Variants in TLCD3B observed in about 807,000 individuals in gnomAD.
TLCD3B encodes the protein ceramide synthase.
TLCD3B carries 9 observed loss-of-function variants against 23.0 expected under a neutral mutation model. The ratio of observed to expected loss-of-function variants is 0.39; its 90% CI spans 0.24 to 0.68. The LOEUF (loss-of-function observed/expected upper bound fraction) is 0.68. TLCD3B is among the 30% of genes least tolerant of loss of function. The probability of loss-of-function intolerance (pLI) is 0.44; values close to 1 mark genes in which losing one functional copy is unlikely to be tolerated. For synonymous variants in TLCD3B, 161 were observed against 161.0 expected, an observed-to-expected ratio of 1.00 and a Z score of 0.00; for missense variants, 307 against 371.8, an observed-to-expected ratio of 0.83 and a Z score of 1.43.
chr16:30,039,103 C>CTTTTTTTTTTTTTTTTTTTTTT lies in TLCD3B; in HGVS notation c.-67+1870_-67+1891dup, dbSNP rs1018184417. Reference sequence around the variant, plus strand: ...TTATCCTTCTCCTCCTCCTTCCTCTCTTTTTTTTTTTTTTTTTTTTTTTTT... The same window carrying CTTTTTTTTTTTTTTTTTTTTTT: ...TTATCCTTCTCCTCCTCCTTCCTCTCTTTTTTTTTTTTTTTTTTTTTTTTTTTTTTTTTTTTTTTTTTTTTTT... On this transcript the variant is annotated intron_variant, in intron 3 of 6. Coordinates refer to the TLCD3B transcript ENST00000561666. 3.0e-5 allele frequency among the ~76,000 whole-genome samples: 3 copies of CTTTTTTTTTTTTTTTTTTTTTT among 99,616 alleles called. 1 individual carries two copies. The highest frequency in any genetic ancestry group is 4.1e-5 in the African/African-American group (1 of 24,232). 65.4% of individuals were successfully genotyped at this position (99,616 alleles called of 152,430 possible).
rs1567307372 is a variant in TLCD3B at position 30,039,109 on chromosome 16, T to TAA, written c.-67+1885_-67+1886insTT. 3.7e-5 allele frequency among the ~76,000 whole-genome samples: 5 copies of TAA among 135,318 alleles called. 1 individual carries two copies. Among genetic ancestry groups the TAA allele is most frequent in the East Asian group, 2.1e-4 (1 of 4,688 alleles). 88.8% of individuals were successfully genotyped at this position (135,318 alleles called of 152,430 possible). On this transcript the variant is annotated intron_variant, in intron 3 of 6. Transcript: ENST00000561666. ...TTCTCCTCCTCCTTCCTCTCTTTTT[T>TAA]TTTTTTTTTTTTTTTTTTTTTTTTA...
rs759131309 is a variant in TLCD3B at position 30,029,685 on chromosome 16, T to C, written c.126-170A>G. 2.2e-5 allele frequency: 14 copies of C among 639,186 alleles called. No individual in the cohort carries two copies. The highest frequency in any genetic ancestry group is 3.6e-5 in the African/African-American group (2 of 55,438). The allele number at this position is 639,186 out of a possible 1,614,324, so 39.6% of individuals were successfully genotyped here. ...TGCCTGAGGTGTGCCCCACCACAGG[T>C]ACCTCACGGCTCTCCGGCCCGCTCG... On this transcript the variant is annotated intron_variant, in intron 1 of 4. Transcript: ENST00000380495. The surrounding 1 kb of genome is among the most constrained non-coding windows in gnomAD (Gnocchi z 4.6).
At chr16:30,031,546 G>A (rs905427629), upstream of TLCD3B, among the ~76,000 whole-genome samples, 1 of 152,194 alleles carries the variant, frequency 6.6e-6, no homozygotes, top group Non-Finnish European at 1.5e-5. Flanking sequence ...GGCCTGCCCC[G>A]GGTCCGAGCT....
At chr16:30,039,418 C>T (rs775802953) in intron 3 of TLCD3B, among the ~76,000 whole-genome samples, 6 of 151,798 alleles carry the variant, frequency 4.0e-5, no homozygotes, top group Admixed American at 1.3e-4. Context: ...CCACTGCGCC[C>T]GGCTTCTTCC....
chr16:30,025,943 T>A lies in TLCD3B; in HGVS notation c.445-122A>T. The stretch of plus-strand genomic sequence containing the variant: ...GCTTGACTCTGAACATCAGAACACC[T>A]GGGTGCAGGGCTGGGTGCAGTGGCT... On this transcript the variant is annotated intron_variant, in intron 3 of 4. Transcript: ENST00000380495. The surrounding 1 kb of genome is among the most constrained non-coding windows in gnomAD (Gnocchi z 4.1). 1 of 752,270 alleles carries A rather than the reference T, an allele frequency of 1.3e-6. No homozygotes were observed. The highest frequency in any genetic ancestry group is 2.2e-6 in the Non-Finnish European group (1 of 447,808). The allele number at this position is 752,270 out of a possible 1,614,324, so 46.6% of individuals were successfully genotyped here. A position where few individuals can be genotyped will look rare whatever the true frequency, so the allele number is the denominator to read the frequency against.
intron 1 of TLCD3B, among the ~76,000 whole-genome samples, chr16:30,052,366 C>T: frequency 6.6e-6 from 1 of 151,156 alleles, no homozygotes; most frequent in Non-Finnish European, 1.5e-5. Flanking sequence ...AAATCTGTCT[C>T]CAAAAAATAA....
rs1445846708 is a variant in TLCD3B at position 30,026,654 on chromosome 16, C to T, written c.399G>A (p.Val133=). ...CCAGCACCATGGCGGCATGGTGGAGCACCATGAGGAACTCCTTGTGCAGGT... is the reference window on the plus strand; with the variant it reads ...CCAGCACCATGGCGGCATGGTGGAGTACCATGAGGAACTCCTTGTGCAGGT... ...RGYLHKEFLM[V]LHHAAMVLVC... Residue 133 remains valine, a synonymous_variant, in exon 3 of 5, where the codon GTG becomes GTA. Transcript: ENST00000380495. 1 of 1,613,870 alleles carries T rather than the reference C, an allele frequency of 6.2e-7. No individual in the cohort carries two copies. Among genetic ancestry groups the T allele is most frequent in the South Asian group, 1.1e-5 (1 of 91,082 alleles).
At chr16:30,027,486 C>T (rs1314157301) in intron 2 of TLCD3B, 1 of 438,746 alleles carries the variant, frequency 2.3e-6, no homozygotes, top group Non-Finnish European at 4.7e-6. Context: ...CCACCATCCC[C>T]AGAAGATCCG....
At chr16:30,051,304 C>T (rs1177162886) in intron 1 of TLCD3B, among the ~76,000 whole-genome samples, 3 of 151,834 alleles carry the variant, frequency 2.0e-5, no homozygotes, top group Non-Finnish European at 4.4e-5. Context: ...GAGGCCAAGG[C>T]GGGCAGAACA....
At position 30,030,662 on chromosome 16, in the gene TLCD3B, G is replaced by T; in HGVS notation, c.-135C>A. ...AAACGATGAGAAGGGGCACAAAGGG[G>T]CCAGGGCGGGGACGGGATGGGGCCA... On this transcript the variant is annotated 5_prime_UTR_variant, in exon 1 of 5. Transcript: ENST00000380495. 7.9e-7 allele frequency: 1 copy of T among 1,257,970 alleles called. No homozygotes were observed. Among genetic ancestry groups the T allele is most frequent in the Non-Finnish European group, 1.0e-6 (1 of 997,224 alleles). The allele number at this position is 1,257,970 out of a possible 1,614,324, so 77.9% of individuals were successfully genotyped here.
chr16:30,032,691 G>C (rs1218791221), upstream of TLCD3B: 1 of 143,820 alleles, frequency 7.0e-6, no homozygotes, highest in Non-Finnish European at 1.5e-5. Flanking sequence ...CTGTCCCCCA[G>C]GCTGGAGTAC....
chr16:30,043,143 T>G (rs763787293), intron 2 of TLCD3B, among the ~76,000 whole-genome samples: 11 of 152,044 alleles, frequency 7.2e-5, no homozygotes, highest in South Asian at 4.2e-4. Context: ...TTACTAGACA[T>G]CCGGCAGCAA....
upstream of TLCD3B, among the ~76,000 whole-genome samples, chr16:30,031,679 C>T (rs910860580): frequency 2.5e-4 from 38 of 152,224 alleles, no homozygotes; most frequent in Admixed American, 6.5e-5. Flanking sequence ...ATCCTCAGAG[C>T]CAGAGGCCCC....
At chr16:30,037,036 G>A (rs1309486574) in intron 3 of TLCD3B, among the ~76,000 whole-genome samples, 1 of 151,718 alleles carries the variant, frequency 6.6e-6, no homozygotes, top group Non-Finnish European at 1.5e-5. Context: ...AATGAGCCGA[G>A]ATCTCGCCAC....
intron 1 of TLCD3B, among the ~76,000 whole-genome samples, chr16:30,052,487 A>C (rs2071778014): frequency 6.6e-6 from 1 of 151,908 alleles, no homozygotes; most frequent in South Asian, 2.1e-4. Flanking sequence ...ACTTGAGGTC[A>C]GGAGTTCGAG....
rs762492091 is a variant in TLCD3B, at chr16:30,025,397, C to T, written c.611G>A (p.Arg204Gln). The T allele has an allele frequency of 8.7e-6, 14 of 1,611,284 alleles. 1 individual carries two copies. The highest frequency in any genetic ancestry group is 3.3e-5 in the South Asian group (3 of 90,720). The change falls in exon 5 of 5, where the codon CGG becomes CAG. Residue 204 changes from arginine to glutamine, a missense_variant. Coordinates refer to ENST00000380495, the MANE Select transcript of TLCD3B (RefSeq NM_031478.6). The surrounding 1 kb of genome is among the most constrained non-coding windows in gnomAD (Gnocchi z 4.1). The part of the protein sequence containing the change: ...ALMLLSFLCC[R>Q]VLLFPYLYWA... ...GTACAGGTAGGGAAAGAGCAGCACC[C>T]GGCAGCAGAGGAAGCTGAGCAGCAT...
chr16:30,026,807 C>T lies in TLCD3B; in HGVS notation c.246G>A (p.Val82=). 6.2e-7 allele frequency: 1 copy of T among 1,614,128 alleles called. No homozygotes were observed. ...CGTAGATGTCGTAGATGAAGTAGGG[C>T]ACAGCAAATTGCGTGTAGGCAGAGG... ...WLSSAYTQFA[V]PYFIYDIYAM... The change falls in exon 3 of 5, where the codon GTG becomes GTA. Residue 82 remains valine (V), a synonymous_variant. Transcript: ENST00000380495.
chr16:30,026,828 A>G lies in TLCD3B; in HGVS notation c.225T>C (p.Ser75=). The G allele has an allele frequency of 6.2e-7, 1 of 1,614,018 alleles. No homozygotes were observed. Among genetic ancestry groups the G allele is most frequent in the Non-Finnish European group, 8.5e-7 (1 of 1,179,992 alleles). ...AGGGCACAGCAAATTGCGTGTAGGCAGAGGACAGCCAGTGTCTGTTGGGCA... is the reference window on the plus strand; with the variant it reads ...AGGGCACAGCAAATTGCGTGTAGGCGGAGGACAGCCAGTGTCTGTTGGGCA... ...HIIDDQHWLS[S]AYTQFAVPYF... The change falls in exon 3 of 5, where the codon TCT becomes TCC. Residue 75 remains serine, a synonymous_variant. Coordinates refer to ENST00000380495, the MANE Select transcript of TLCD3B (RefSeq NM_031478.6).
rs58041815 is a variant in TLCD3B, at chr16:30,047,135, ATCTG to A, written c.-293-752_-293-749del. On this transcript the variant is annotated intron_variant, in intron 1 of 6. Coordinates refer to the TLCD3B transcript ENST00000561666. ...GCCACCATGCCCTGCCTGTTGTGTC[ATCTG>A]TCTGTCTGTCTGTCTGTCTGTCTGT... Among the ~76,000 whole-genome samples the A allele has an allele frequency of 7.5e-3, 1,131 of 150,596 alleles. 6 individuals are homozygous for A. The highest frequency in any genetic ancestry group is 9.0e-3 in the Non-Finnish European group (610 of 67,640).
Sources: allele counts gnomAD v4.1 joint callset (sites outside exome capture counted in the v4.1 genomes callset), GRCh38; gene constraint gnomAD v4.1.1; non-coding constraint Gnocchi (gnomAD v3.1); transcripts MANE v1.5; gene names NCBI Gene and HGNC (gene_info 2026-07-23, HGNC 2026-07-21).